Variants in ACSM3 observed in about 807,000 individuals in gnomAD.
ACSM3 encodes acyl-CoA synthetase medium chain family member 3, also known as acyl-coenzyme A synthetase ACSM3, mitochondrial.
A neutral mutation model predicts 74.1 loss-of-function variants in ACSM3; 61 were observed. That is an observed-to-expected ratio of 0.82 (90% CI 0.67 to 1.02). The LOEUF is 1.02. ACSM3 is among the 50% of genes least tolerant of loss of function. ACSM3 has a pLI of 0.00. For synonymous variants in ACSM3, 213 were observed against 241.5 expected (o/e 0.88, Z 1.09); for missense variants, 660 against 697.0 (o/e 0.95, Z 0.60).
intron 2 of ACSM3, among the ~76,000 whole-genome samples, chr16:20,773,510 T>G (rs1201743299): frequency 1.3e-5 from 2 of 152,222 alleles, no homozygotes; most frequent in African/African-American, 4.8e-5. Flanking sequence ...ACTTCCCTTC[T>G]TAACACTGTG....
At chr16:20,784,833 G>A (rs927271845) in intron 7 of ACSM3, 151 bp from the exon 8 acceptor site, 14 of 667,898 alleles carry the variant, frequency 2.1e-5, no homozygotes, top group Admixed American at 6.6e-5. Flanking sequence ...AGTTGTATAT[G>A]TTTATGGGGT....
chr16:20,795,135 AG>A (rs1359768823), intron 12 of ACSM3, among the ~76,000 whole-genome samples: 8 of 152,180 alleles, frequency 5.3e-5, no homozygotes, highest in African/African-American at 1.9e-4. Context: ...CACACACACA[AG>A]GGTTCACAAC....
chr16:20,777,484 T>G lies in ACSM3; in HGVS notation c.542T>G (p.Val181Gly). ...ACCAATGATGTTTTAGCCCCAGCAG[T>G]AGACGCTGTTGCATCCAAATGTGAA... ...IITNDVLAPA[V>G]DAVASKCENL... is the part of the protein sequence containing the mutation. The change falls in exon 4 of 14, where the codon GTA becomes GGA. Residue 181 changes from valine (V) to glycine (G), a missense_variant. Transcript: ENST00000289416. The G allele has an allele frequency of 6.2e-7, 1 of 1,614,066 alleles. No individual in the cohort carries two copies. The highest frequency in any genetic ancestry group is 2.2e-5 in the East Asian group (1 of 44,858).
intron 2 of ACSM3, among the ~76,000 whole-genome samples, chr16:20,752,293 C>T (rs1021310225): frequency 6.6e-6 from 1 of 152,094 alleles, no homozygotes; most frequent in Admixed American, 6.5e-5. Flanking sequence ...TCACTTGAGC[C>T]CAGGGTTTTA....
At chr16:20,678,906 T>C (rs945197321) in intron 1 of ACSM3, among the ~76,000 whole-genome samples, 2 of 152,074 alleles carry the variant, frequency 1.3e-5, no homozygotes, top group East Asian at 3.9e-4. Context: ...TCTGAGATTT[T>C]GTTCAGCCGG....
intron 1 of ACSM3, among the ~76,000 whole-genome samples, chr16:20,718,039 A>C (rs992226405): frequency 6.6e-6 from 1 of 151,884 alleles, no homozygotes; most frequent in African/African-American, 2.4e-5. Flanking sequence ...AAGAAAGAAG[A>C]AGAAGAACTG....
intron 1 of ACSM3, chr16:20,702,987 G>GT (rs369160319): frequency 9.2e-4 from 140 of 152,324 alleles, no homozygotes; most frequent in African/African-American, 3.2e-3. Flanking sequence ...GTTAATGTTT[G>GT]TATCAGGTGT....
chr16:20,757,185 G>C (rs1396336257), intron 3 of ACSM3, among the ~76,000 whole-genome samples: 1 of 152,180 alleles, frequency 6.6e-6, no homozygotes, highest in Non-Finnish European at 1.5e-5. Flanking sequence ...GTCACTGGTA[G>C]CTTGATGGGG....
intron 1 of ACSM3, 122 bp from the exon 2 acceptor site, chr16:20,769,862 G>A: frequency 1.6e-6 from 1 of 619,660 alleles, no homozygotes; most frequent in South Asian, 2.0e-5. Flanking sequence ...GGAACACAGA[G>A]TGTACGCAGC....
chr16:20,697,652 C>T (rs559429333), intron 1 of ACSM3: 2 of 151,808 alleles, frequency 1.3e-5, no homozygotes, highest in South Asian at 2.1e-4. Flanking sequence ...CTGTTTAGGA[C>T]GTAGCTGAAC....
At chr16:20,765,736 A>G (rs1175837251) in intron 1 of ACSM3, among the ~76,000 whole-genome samples, 3 of 152,180 alleles carry the variant, frequency 2.0e-5, no homozygotes, top group African/African-American at 7.2e-5. Context: ...TGCGTTGTCC[A>G]ATTTAAATAT....
At chr16:20,773,447 ATTGT>A (rs1304494202) in intron 2 of ACSM3, among the ~76,000 whole-genome samples, 1 of 151,672 alleles carries the variant, frequency 6.6e-6, no homozygotes, top group Non-Finnish European at 1.5e-5. Flanking sequence ...GCATTCTTAG[ATTGT>A]TTATTTGAAA....
rs199552067 is a variant in ACSM3 at position 20,790,539 on chromosome 16, G to A, written c.1225-48G>A. ...CTTGCAAAGTTAATATTTAAGCTGC[G>A]ACATTAAACAAAAATTTCCTTAAAT... is the stretch of plus-strand genomic sequence containing the variant. On this transcript the variant is annotated intron_variant, in intron 9 of 13. Coordinates refer to ENST00000289416, the MANE Select transcript of ACSM3 (RefSeq NM_005622.4). This position sits in a 1 kb window ranked among gnomAD's most constrained non-coding sequence, Gnocchi z 4.0. 19 of 1,532,280 alleles carry A rather than the reference G, an allele frequency of 1.2e-5. No homozygotes were observed. The highest frequency in any genetic ancestry group is 2.8e-5 in the African/African-American group (2 of 72,632). 94.9% of individuals were successfully genotyped at this position (1,532,280 alleles called of 1,614,324 possible).
At chr16:20,711,807 A>G in intron 1 of ACSM3, 1 of 332,240 alleles carries the variant, frequency 3.0e-6, no homozygotes, top group South Asian at 2.5e-5. Flanking sequence ...CTCGGAAAAG[A>G]ATTACCTAAT....
intron 1 of ACSM3, among the ~76,000 whole-genome samples, chr16:20,730,709 G>C (rs1286339245): frequency 6.6e-6 from 1 of 152,084 alleles, no homozygotes; most frequent in African/African-American, 2.4e-5. Flanking sequence ...CCACCAATTA[G>C]AATCAATGAA....
chr16:20,752,781 G>A (rs1314416775), intron 2 of ACSM3, among the ~76,000 whole-genome samples: 1 of 152,188 alleles, frequency 6.6e-6, no homozygotes, highest in African/African-American at 2.4e-5. Flanking sequence ...CATAATGAAT[G>A]GATCAGGTGA....
chr16:20,729,076 C>A (rs183411302), intron 1 of ACSM3, among the ~76,000 whole-genome samples: 63 of 152,236 alleles, frequency 4.1e-4, no homozygotes, highest in Middle Eastern at 3.4e-3. Flanking sequence ...CCAATGCAGT[C>A]CAGCATGGGC....
Position 20,741,901 on chromosome 16 carries a change from A to T in ACSM3, c.-189-8009A>T, listed in dbSNP as rs937515481. 8.5e-6 allele frequency: 13 copies of T among 1,534,410 alleles called. No homozygotes were observed. In the African/African-American group the frequency reaches 1.6e-4, roughly 19 times the overall value. ...GCGCCAGGTCCTAAGGCCGGTCTGC[A>T]ATCGTGAAAGGGGTGGAGTGATACC... On this transcript the variant is annotated intron_variant, in intron 1 of 3. Transcript: ENST00000561584.
At chr16:20,733,663 A>G (rs9936880) in intron 1 of ACSM3, 18 of 152,186 alleles carry the variant, frequency 1.2e-4, no homozygotes, top group Non-Finnish European at 2.2e-4. Context: ...TAGAACACCA[A>G]TTTTTAGGGA....
Sources: gnomAD v4.1 joint callset for allele counts (sites outside exome capture counted in the v4.1 genomes callset) on GRCh38, gnomAD v4.1.1 for gene constraint, Gnocchi (gnomAD v3.1) non-coding constraint, MANE v1.5 for transcripts, NCBI Gene and HGNC (gene_info 2026-07-23, HGNC 2026-07-21) for gene names.